Variants in RNF141 observed in about 807,000 individuals in gnomAD.
RNF141 encodes the protein ring finger protein 141.
A neutral mutation model predicts 27.4 loss-of-function variants in RNF141; 18 were observed. That is an observed-to-expected ratio of 0.66 (90% CI 0.45 to 0.97). The LOEUF (loss-of-function observed/expected upper bound fraction) is 0.97, where lower values mean the gene tolerates loss of function less well. Ranked by LOEUF, RNF141 falls within the 50% of genes least tolerant of loss-of-function variation. The probability of loss-of-function intolerance (pLI) is 0.00; values close to 1 mark genes in which losing one functional copy is unlikely to be tolerated. For missense variants in RNF141, 230 were observed against 279.4 expected, an observed-to-expected ratio of 0.82 and a Z score of 1.26; for synonymous variants, 97 against 96.6, an observed-to-expected ratio of 1.00 and a Z score of -0.02.
Position 10,530,748 on chromosome 11 carries a change from C to A in RNF141, c.147G>T (p.Thr49=), listed in dbSNP as rs745386395. The change falls in exon 3 of 6, where the codon ACG becomes ACT. Residue 49 remains threonine, a synonymous_variant. Coordinates refer to ENST00000265981, the MANE Select transcript of RNF141 (RefSeq NM_016422.4). ...LGRVAELNDV[T]AKVASGQEKH... is the part of the protein sequence containing the mutation. ...TTTCCTGGCCAGAAGCCACTTTAGCCGTTCTGAAAAGAGACAAGAACATGT... is the reference window on the plus strand; with the variant it reads ...TTTCCTGGCCAGAAGCCACTTTAGCAGTTCTGAAAAGAGACAAGAACATGT... The A allele has an allele frequency of 5.0e-6, 8 of 1,594,400 alleles. No homozygotes were observed. Among genetic ancestry groups the A allele is most frequent in the Non-Finnish European group, 6.8e-6 (8 of 1,167,920 alleles).
chr11:10,538,771 T>C (rs187311313), intron 1 of RNF141, among the ~76,000 whole-genome samples: 4 of 152,342 alleles, frequency 2.6e-5, no homozygotes, highest in East Asian at 1.9e-4. Flanking sequence ...GTTAAAAATA[T>C]GTATGAAAGA....
rs771517136 is a variant in RNF141, at chr11:10,513,552, AT to A, written c.*1363del. 1.3e-5 allele frequency: 2 copies of A among 152,222 alleles called. No homozygotes were observed. The highest frequency in any genetic ancestry group is 2.9e-5 in the Non-Finnish European group (2 of 68,032). The allele number at this position is 152,222 out of a possible 1,614,324, so 9.4% of individuals were successfully genotyped here. On this transcript the variant is annotated 3_prime_UTR_variant, in exon 6 of 6. Coordinates refer to ENST00000265981, the MANE Select transcript of RNF141 (RefSeq NM_016422.4). ...AAGATCACAATTCCATTATTACTAT[AT>A]TGTTTCAGAATATTTTAATGGAAAG...
intron 1 of RNF141, among the ~76,000 whole-genome samples, chr11:10,537,899 TC>T (rs1240854707): frequency 6.6e-6 from 1 of 152,236 alleles, no homozygotes; most frequent in Admixed American, 6.5e-5. Flanking sequence ...AGGACATCTT[TC>T]ACATGGCTGT....
intron 3 of RNF141, among the ~76,000 whole-genome samples, chr11:10,529,977 C>G (rs1171461360): frequency 1.3e-5 from 2 of 152,156 alleles, no homozygotes; most frequent in Admixed American, 1.3e-4. Context: ...CGGGAATGAA[C>G]TTCAGAGCGC....
chr11:10,523,983 C>A (rs1304516868), intron 4 of RNF141, among the ~76,000 whole-genome samples: 1 of 152,126 alleles, frequency 6.6e-6, no homozygotes, highest in Non-Finnish European at 1.5e-5. Context: ...TAGACCAAAC[C>A]TAGAAAACCA....
chr11:10,525,863 C>G (rs758632897), intron 3 of RNF141, among the ~76,000 whole-genome samples: 8 of 152,120 alleles, frequency 5.3e-5, no homozygotes, highest in Non-Finnish European at 8.8e-5. Context: ...TAAATCCTAA[C>G]AAAAGGTGGT....
At position 10,530,658 on chromosome 11, in the gene RNF141, C is replaced by G. The variant is rs754126468; in HGVS notation, c.237G>C (p.Arg79=). The part of the protein sequence containing the change: ...DSSAFWKVVV[R]VVCTKINKSS... ...TCAGTCTCACCTTGGTACAGACCAC[C>G]CGTACAACCACTTTCCAAAAAGCAG... is the stretch of plus-strand genomic sequence containing the variant. Residue 79 remains arginine (R), a synonymous_variant, in exon 3 of 6, where the codon CGG becomes CGC. Coordinates refer to ENST00000265981, the MANE Select transcript of RNF141 (RefSeq NM_016422.4). The G allele has an allele frequency of 6.2e-7, 1 of 1,607,228 alleles. No individual in the cohort carries two copies. Among genetic ancestry groups the G allele is most frequent in the Admixed American group, 1.7e-5 (1 of 59,532 alleles).
chr11:10,532,538 CCCCA>C (rs1564868778), intron 2 of RNF141, among the ~76,000 whole-genome samples: 214 of 115,144 alleles, frequency 1.9e-3, no homozygotes, highest in South Asian at 3.8e-3. Flanking sequence ...CACACACACA[CCCCA>C]CAACTATATA....
chr11:10,515,317 C>A, intron 5 of RNF141: 1 of 408,826 alleles, frequency 2.4e-6, no homozygotes, highest in Admixed American at 4.4e-5. Flanking sequence ...CATGCACGCA[C>A]GTGCACACAC....
intron 5 of RNF141, chr11:10,515,329 C>G (rs1037251175): frequency 1.1e-5 from 4 of 371,760 alleles, no homozygotes; most frequent in African/African-American, 8.4e-5. Context: ...TGCACACACA[C>G]ATTTCTCCAC....
In RNF141 at chr11:10,527,644, AC is replaced by A. The variant is rs1849948069; in HGVS notation, c.253-2272del. The stretch of plus-strand genomic sequence containing the variant: ...TTTGATTCCAAGTGCATGAGAAGTC[AC>A]GGGGGGGGGTTTTGAGCCAAGGAGT... On this transcript the variant is annotated intron_variant, in intron 3 of 5. Coordinates refer to ENST00000265981, the MANE Select transcript of RNF141 (RefSeq NM_016422.4). 3.8e-5 allele frequency among the ~76,000 whole-genome samples: 3 copies of A among 79,996 alleles called. No individual in the cohort carries two copies. In the Admixed American group the frequency reaches 4.3e-4, roughly 11 times the overall value. The allele number at this position is 79,996 out of a possible 152,430, so 52.5% of individuals were successfully genotyped here. A position where few individuals can be genotyped will look rare whatever the true frequency, so the allele number is the denominator to read the frequency against.
At chr11:10,525,877 A>C (rs952802739) in intron 3 of RNF141, among the ~76,000 whole-genome samples, 23 of 152,194 alleles carry the variant, frequency 1.5e-4, no homozygotes, top group Admixed American at 3.9e-4. Context: ...AGGTGGTTGG[A>C]CTTTTCCCAG....
intron 4 of RNF141, among the ~76,000 whole-genome samples, chr11:10,524,331 C>T (rs1269467102): frequency 1.3e-5 from 2 of 152,006 alleles, no homozygotes; most frequent in African/African-American, 2.4e-5. Flanking sequence ...AGGAGAATGG[C>T]GTGAACCCGG....
In RNF141 at chr11:10,524,340, G is replaced by A. The variant is rs1265114451; in HGVS notation, c.434+852C>T. Among the ~76,000 whole-genome samples, 12 of 152,214 alleles carry A rather than the reference G, an allele frequency of 7.9e-5. No individual in the cohort carries two copies. The South Asian group carries it at 1.5e-3, about 18-fold the overall frequency. ...TGAGGCAGGAGAATGGCGTGAACCCGGGAGGCAGAGCTTGCAGTGAGCCGA... is the reference window on the plus strand; with the variant it reads ...TGAGGCAGGAGAATGGCGTGAACCCAGGAGGCAGAGCTTGCAGTGAGCCGA... On this transcript the variant is annotated intron_variant, in intron 4 of 5. Coordinates refer to ENST00000265981, the MANE Select transcript of RNF141 (RefSeq NM_016422.4).
In RNF141 at chr11:10,513,443, A is replaced by G. The variant is rs1011206738; in HGVS notation, c.*1473T>C. 2.0e-5 allele frequency: 3 copies of G among 152,208 alleles called. No individual in the cohort carries two copies. Among genetic ancestry groups the G allele is most frequent in the Non-Finnish European group, 4.4e-5 (3 of 68,038 alleles). The allele number at this position is 152,208 out of a possible 1,614,324, so 9.4% of individuals were successfully genotyped here. ...CATGGAATGTTAAATTTTAAAGGAG[A>G]TAGGCCCTTGTTTTATTACATGCCG... On this transcript the variant is annotated 3_prime_UTR_variant, in exon 6 of 6. Transcript: ENST00000265981.
chr11:10,533,265 GA>G (rs1377230925), intron 2 of RNF141, among the ~76,000 whole-genome samples: 1 of 152,014 alleles, frequency 6.6e-6, no homozygotes, highest in Non-Finnish European at 1.5e-5. Flanking sequence ...CAGGAACAAA[GA>G]GCCCTATATA....
At chr11:10,531,134 T>A (rs1849981974) in intron 2 of RNF141, among the ~76,000 whole-genome samples, 2 of 152,088 alleles carry the variant, frequency 1.3e-5, no homozygotes, top group Non-Finnish European at 2.9e-5. Context: ...CCCAGCACTT[T>A]GGGAGGCCAA....
chr11:10,539,907 A>G (rs1850078699), intron 1 of RNF141, among the ~76,000 whole-genome samples: 1 of 151,674 alleles, frequency 6.6e-6, no homozygotes, highest in Non-Finnish European at 1.5e-5. Flanking sequence ...AAGAAGGATC[A>G]GGCTACACAC....
intron 4 of RNF141, among the ~76,000 whole-genome samples, chr11:10,521,931 A>C (rs1564866248): frequency 6.6e-6 from 1 of 152,220 alleles, no homozygotes; most frequent in Non-Finnish European, 1.5e-5. Context: ...AGCAAACTAC[A>C]ATCAGTGTAT....
Sources: allele counts gnomAD v4.1 joint callset (sites outside exome capture counted in the v4.1 genomes callset), GRCh38; gene constraint gnomAD v4.1.1; transcripts MANE v1.5; gene names NCBI Gene and HGNC (gene_info 2026-07-23, HGNC 2026-07-21).